JMJD1C: variants seen among roughly 807,000 people sequenced by gnomAD.
JMJD1C encodes the protein jumonji domain-containing protein 1C.
Under a neutral mutation model 245.3 loss-of-function variants are expected in JMJD1C, and 31 were observed. The ratio of observed to expected loss-of-function variants is 0.13; its 90% CI spans 0.09 to 0.17. The LOEUF (loss-of-function observed/expected upper bound fraction) is 0.17, where lower values mean the gene tolerates loss of function less well. Ranked by LOEUF, JMJD1C falls within the 10% of genes least tolerant of loss-of-function variation. The pLI, the probability that JMJD1C is intolerant of heterozygous loss-of-function variation, is 1.00. For missense variants in JMJD1C, 2,691 were observed against 3,000.2 expected, an observed-to-expected ratio of 0.90 and a Z score of 2.41; for synonymous variants, 1,057 against 1,017.4, an observed-to-expected ratio of 1.04 and a Z score of -0.74.
chr10:63,218,286 T>G (rs1294936560), intron 4 of JMJD1C, among the ~76,000 whole-genome samples: 1 of 152,062 alleles, frequency 6.6e-6, no homozygotes, highest in African/African-American at 2.4e-5. Flanking sequence ...TGTAACAGAT[T>G]CAACAATCCT....
chr10:63,209,438 T>TC (rs1847060298), intron 8 of JMJD1C, among the ~76,000 whole-genome samples: 1 of 152,132 alleles, frequency 6.6e-6, no homozygotes, highest in South Asian at 2.1e-4. Context: ...AACAGATTTT[T>TC]CCATATCATA....
chr10:63,414,015 C>G (rs1022927171), intron 1 of JMJD1C, among the ~76,000 whole-genome samples: 5 of 137,554 alleles, frequency 3.6e-5, no homozygotes, highest in Admixed American at 1.5e-4. Context: ...GACACGGAGT[C>G]TTGCACTGTC....
intron 4 of JMJD1C, among the ~76,000 whole-genome samples, chr10:63,218,983 G>A (rs1848298133): frequency 6.6e-6 from 1 of 152,080 alleles, no homozygotes; most frequent in African/African-American, 2.4e-5. Flanking sequence ...GATAGAATAG[G>A]GTGATGTCTG....
intron 3 of JMJD1C, among the ~76,000 whole-genome samples, chr10:63,243,340 A>G (rs1851765544): frequency 6.6e-6 from 1 of 151,712 alleles, no homozygotes; most frequent in African/African-American, 2.4e-5. Flanking sequence ...CAGCCTGACC[A>G]ACATGGAGAA....
At chr10:63,171,538 G>T (rs1302735284) in intron 24 of JMJD1C, among the ~76,000 whole-genome samples, 1 of 152,216 alleles carries the variant, frequency 6.6e-6, no homozygotes, top group Non-Finnish European at 1.5e-5. Flanking sequence ...CCCTTGTCAT[G>T]CAGAATCACT....
chr10:63,171,395 T>G (rs1842341052), intron 24 of JMJD1C, among the ~76,000 whole-genome samples: 1 of 152,232 alleles, frequency 6.6e-6, no homozygotes, highest in Admixed American at 6.5e-5. Flanking sequence ...CTATGCTGCT[T>G]TCCCTCAGCT....
chr10:63,192,719 T>C (rs1844982610), intron 16 of JMJD1C, among the ~76,000 whole-genome samples: 1 of 151,902 alleles, frequency 6.6e-6, no homozygotes, highest in African/African-American at 2.4e-5. Flanking sequence ...TGGGTGATAG[T>C]CTCAAAAAAA....
chr10:63,220,337 A>G (rs1249923700), intron 3 of JMJD1C, among the ~76,000 whole-genome samples: 3 of 152,218 alleles, frequency 2.0e-5, no homozygotes, highest in African/African-American at 7.2e-5. Flanking sequence ...TGTTGGCAAA[A>G]GAACTGAGGT....
intron 1 of JMJD1C, among the ~76,000 whole-genome samples, chr10:63,397,375 G>A (rs1472602280): frequency 1.3e-5 from 2 of 151,454 alleles, no homozygotes; most frequent in Admixed American, 6.6e-5. Context: ...CACCACACCC[G>A]GCTTATTTTG....
chr10:63,416,435 T>C (rs1279648638), intron 1 of JMJD1C, among the ~76,000 whole-genome samples: 1 of 152,170 alleles, frequency 6.6e-6, no homozygotes, highest in Non-Finnish European at 1.5e-5. Context: ...TGCATGTTTT[T>C]CAATGTATTC....
intron 1 of JMJD1C, among the ~76,000 whole-genome samples, chr10:63,493,011 G>C (rs1339060297): frequency 1.3e-5 from 2 of 152,184 alleles, no homozygotes; most frequent in East Asian, 3.9e-4. Flanking sequence ...GCTTAAGGGG[G>C]AGAAATAGAA....
chr10:63,179,425 A>C (rs1843211163), intron 22 of JMJD1C, among the ~76,000 whole-genome samples: 1 of 151,576 alleles, frequency 6.6e-6, no homozygotes, highest in South Asian at 2.1e-4. Context: ...AAAAAAGAAA[A>C]AAGAAAAAAA....
chr10:63,487,216 G>A (rs944440331), intron 1 of JMJD1C, among the ~76,000 whole-genome samples: 1 of 152,168 alleles, frequency 6.6e-6, no homozygotes, highest in African/African-American at 2.4e-5. Context: ...AGGACTACCA[G>A]GCAAAATTAA....
At position 63,209,108 on chromosome 10, in the gene JMJD1C, T is replaced by C. The variant is rs753822540; in HGVS notation, c.2822A>G (p.His941Arg). The C allele has an allele frequency of 2.5e-6, 4 of 1,613,818 alleles. No homozygotes were observed. The highest frequency in any genetic ancestry group is 1.1e-5 in the South Asian group (1 of 91,070). The change falls in exon 9 of 26, where the codon CAT becomes CGT. Residue 941 changes from histidine to arginine, a missense_variant. Physicochemically the swap from His to Arg is conservative, Grantham distance 29. Around this residue, in one of 9 missense-constraint regions of JMJD1C, gnomAD observed 1,562 missense variants for 1,490.7 expected, o/e 1.05. Transcript: ENST00000399262. ...AGTTTTTGTCAATGGTGGACTGGAA[T>C]GGGCTGTAATTTTAAGAGGCCGATG... ...EPHRPLKITA[H>R]SSPPLTKTLV...
intron 2 of JMJD1C, among the ~76,000 whole-genome samples, chr10:63,305,366 C>CAAAAA (rs758005863): frequency 0.04 from 4,287 of 106,014 alleles, 363 homozygotes; most frequent in East Asian, 0.15. Context: ...GACTCCACCT[C>CAAAAA]AAAAAAAAAA....
chr10:63,418,420 C>T lies in JMJD1C; in HGVS notation c.169-37938G>A, dbSNP rs562693724. Among the ~76,000 whole-genome samples the T allele has an allele frequency of 1.7e-4, 26 of 152,276 alleles. 1 individual carries two copies. In the South Asian group the frequency reaches 5.4e-3, roughly 32 times the overall value. On this transcript the variant is annotated intron_variant, in intron 1 of 25. Coordinates refer to ENST00000399262, the MANE Select transcript of JMJD1C (RefSeq NM_032776.3). ...CTAAGTGGTTATTCAGAAATTATCC[C>T]ATGATTTTCCACTGCCACTAACATC...
At chr10:63,470,526 A>T (rs1195552085), upstream of JMJD1C, among the ~76,000 whole-genome samples, 1 of 152,214 alleles carries the variant, frequency 6.6e-6, no homozygotes, top group Non-Finnish European at 1.5e-5. Flanking sequence ...CAGAAGGAAG[A>T]GTTACAATTC....
At chr10:63,369,726 G>C (rs958998894) in intron 2 of JMJD1C, among the ~76,000 whole-genome samples, 2 of 152,062 alleles carry the variant, frequency 1.3e-5, no homozygotes, top group African/African-American at 4.8e-5. Context: ...TAGGCCAAAG[G>C]CTAGGGCATA....
intron 2 of JMJD1C, among the ~76,000 whole-genome samples, chr10:63,265,505 G>A (rs1241656897): frequency 1.3e-5 from 2 of 152,112 alleles, no homozygotes; most frequent in East Asian, 3.8e-4. Context: ...CAGGGACAGA[G>A]CCAGGGTAGG....
Sources: allele counts gnomAD v4.1 joint callset (sites outside exome capture counted in the v4.1 genomes callset), GRCh38; gene constraint gnomAD v4.1.1; regional missense constraint gnomAD v4.1.1; transcripts MANE v1.5; gene names NCBI Gene and HGNC (gene_info 2026-07-23, HGNC 2026-07-21).